Variants in KPNA6 observed in about 807,000 individuals in gnomAD.
The protein encoded by KPNA6 is karyopherin subunit alpha 6.
KPNA6 carries 9 observed loss-of-function variants against 72.0 expected under a neutral mutation model. That is an observed-to-expected ratio of 0.13 (90% CI 0.08 to 0.22). The LOEUF (loss-of-function observed/expected upper bound fraction) is 0.22, where lower values mean the gene tolerates loss of function less well. KPNA6 is among the 10% of genes least tolerant of loss of function. The probability of loss-of-function intolerance (pLI) is 1.00; values close to 1 mark genes in which losing one functional copy is unlikely to be tolerated. For missense variants in KPNA6, 374 were observed against 655.7 expected (o/e 0.57, Z 4.69); for synonymous variants, 219 against 242.1 (o/e 0.90, Z 0.89).
chr1:32,124,551 G>C (rs1641498306), intron 1 of KPNA6, among the ~76,000 whole-genome samples: 1 of 150,600 alleles, frequency 6.6e-6, no homozygotes, highest in Non-Finnish European at 1.5e-5. Context: ...CTGTTGCCCA[G>C]GCTGGAGTGC....
chr1:32,142,499 T>C lies in KPNA6; in HGVS notation c.5-12089T>C, dbSNP rs117577120. ...TATTGGGGTTTAGGACTTCATAATA[T>C]GAATTAGGAACAGACATGATTCAGC... On this transcript the variant is annotated intron_variant, in intron 1 of 13. Coordinates refer to ENST00000373625, the MANE Select transcript of KPNA6 (RefSeq NM_012316.5). 3.7e-4 allele frequency among the ~76,000 whole-genome samples: 56 copies of C among 152,240 alleles called. No homozygotes were observed. The East Asian group carries it at 0.01, about 27-fold the overall frequency.
In KPNA6 at chr1:32,163,236, C is replaced by T. The variant is rs1166901812; in HGVS notation, c.913C>T (p.His305Tyr). The T allele has an allele frequency of 2.5e-6, 4 of 1,610,296 alleles. No homozygotes were observed. Among genetic ancestry groups the T allele is most frequent in the Admixed American group, 3.3e-5 (2 of 59,956 alleles). Residue 305 changes from histidine (H) to tyrosine (Y), a missense_variant and splice_region_variant, in exon 10 of 14, where the codon CAC (histidine) becomes TAC (tyrosine). Transcript: ENST00000373625. ...TGATCAGATCTCCCTCCTCTGTAGG[C>T]ACAATGATTACAAAGTGGCTTCTCC... ...VCRRLVELLM[H>Y]NDYKVASPAL...
chr1:32,136,181 C>CT lies in KPNA6; in HGVS notation c.5-18395dup, dbSNP rs759447035. Reference sequence around the variant, plus strand: ...TAAAATCCACATTTCTAGCTTCTCTCTTTTTTTTTTTTGAGATGGAGTTTC... The same window carrying CT: ...TAAAATCCACATTTCTAGCTTCTCTCTTTTTTTTTTTTTGAGATGGAGTTTC... On this transcript the variant is annotated intron_variant, in intron 1 of 13. Transcript: ENST00000373625. 8.7e-4 allele frequency among the ~76,000 whole-genome samples: 121 copies of CT among 139,256 alleles called. 2 individuals are homozygous for CT. Among genetic ancestry groups the CT allele is most frequent in the East Asian group, 2.6e-3 (12 of 4,570 alleles). 91.4% of individuals were successfully genotyped at this position (139,256 alleles called of 152,430 possible).
chr1:32,118,180 T>C (rs932457724), intron 1 of KPNA6, among the ~76,000 whole-genome samples: 2 of 152,098 alleles, frequency 1.3e-5, no homozygotes, highest in Non-Finnish European at 2.9e-5. Context: ...CGCCTCAGCC[T>C]CCCAAAGTGC....
chr1:32,156,239 C>G (rs1470169890), intron 2 of KPNA6, among the ~76,000 whole-genome samples: 1 of 152,040 alleles, frequency 6.6e-6, no homozygotes, highest in Non-Finnish European at 1.5e-5. Flanking sequence ...ATAGTCTCCT[C>G]TTCTCTTTGT....
intron 1 of KPNA6, among the ~76,000 whole-genome samples, chr1:32,134,923 C>T (rs55794623): frequency 0.087 from 12,318 of 140,858 alleles, 754 homozygotes; most frequent in South Asian, 0.26. Flanking sequence ...TTTTTTCCTT[C>T]GAGATGGAGT....
chr1:32,134,106 G>A (rs1197240765), intron 1 of KPNA6, among the ~76,000 whole-genome samples: 1 of 144,600 alleles, frequency 6.9e-6, no homozygotes, highest in African/African-American at 2.6e-5. Flanking sequence ...TTTTTTTTTT[G>A]TATTTAAAAA....
intron 1 of KPNA6, among the ~76,000 whole-genome samples, chr1:32,130,015 G>A (rs12070847): frequency 0.038 from 5,856 of 152,194 alleles, 160 homozygotes; most frequent in Middle Eastern, 0.082. Context: ...TCTTCTGCAA[G>A]TTATGCCTCA....
At chr1:32,163,975 T>A (rs146452666) in intron 10 of KPNA6, among the ~76,000 whole-genome samples, 1 of 152,224 alleles carries the variant, frequency 6.6e-6, no homozygotes, top group Non-Finnish European at 1.5e-5. Flanking sequence ...ACATTCACAT[T>A]GTTTTTCCGT....
intron 1 of KPNA6, among the ~76,000 whole-genome samples, chr1:32,117,753 A>T (rs1331735420): frequency 6.6e-6 from 1 of 152,180 alleles, no homozygotes; most frequent in Non-Finnish European, 1.5e-5. Flanking sequence ...AAACCAAAGG[A>T]TGGAGAGGTT....
rs1570057916 is a variant in KPNA6, at chr1:32,157,506, G to A, written c.331+61G>A. ...TGATTTAGCCTCTTTTCTCTTCACTGATGTCATCAACTTACACGTGCCCTC... is the reference window on the plus strand; with the variant it reads ...TGATTTAGCCTCTTTTCTCTTCACTAATGTCATCAACTTACACGTGCCCTC... On this transcript the variant is annotated intron_variant, in intron 4 of 13. Coordinates refer to ENST00000373625, the MANE Select transcript of KPNA6 (RefSeq NM_012316.5). 2.1e-5 allele frequency: 26 copies of A among 1,234,316 alleles called. No homozygotes were observed. The East Asian group carries it at 6.1e-4, about 29-fold the overall frequency. The allele number at this position is 1,234,316 out of a possible 1,614,324, so 76.5% of individuals were successfully genotyped here. A position where few individuals can be genotyped will look rare whatever the true frequency, so the allele number is the denominator to read the frequency against.
chr1:32,157,491 T>C, intron 4 of KPNA6, 46 bp downstream of exon 4: 1 of 1,358,840 alleles, frequency 7.4e-7, no homozygotes, highest in South Asian at 1.2e-5. Flanking sequence ...TGATTTAGCC[T>C]CTTTTCTCTT....
chr1:32,146,191 T>C (rs58613450), intron 1 of KPNA6, among the ~76,000 whole-genome samples: 1 of 152,196 alleles, frequency 6.6e-6, no homozygotes, highest in Non-Finnish European at 1.5e-5. Flanking sequence ...TTGAACGTGG[T>C]TCATTAAAAG....
chr1:32,174,313 T>C lies in KPNA6; in HGVS notation c.*3419T>C, dbSNP rs781399020. The stretch of plus-strand genomic sequence containing the variant: ...TTTTGGAGCTGAACTGCACAGATTA[T>C]AGCTGCTATTGTACTTAAATAAGGG... On this transcript the variant is annotated 3_prime_UTR_variant, in exon 14 of 14. Coordinates refer to ENST00000373625, the MANE Select transcript of KPNA6 (RefSeq NM_012316.5). 1 of 152,264 alleles carries C rather than the reference T, an allele frequency of 6.6e-6. No individual in the cohort carries two copies. The highest frequency in any genetic ancestry group is 1.5e-5 in the Non-Finnish European group (1 of 68,076). 9.4% of individuals were successfully genotyped at this position (152,264 alleles called of 1,614,324 possible). A position where few individuals can be genotyped will look rare whatever the true frequency, so the allele number is the denominator to read the frequency against.
In KPNA6 at chr1:32,156,878, T is replaced by C; in HGVS notation, c.164T>C (p.Leu55Pro). The C allele has an allele frequency of 6.2e-7, 1 of 1,614,114 alleles. No homozygotes were observed. ...CTTTTTAAACGGAGAAATGTGGAGC[T>C]GATTAATGAAGAAGCTGCCATGTTC... ...QQLFKRRNVE[L>P]INEEAAMFDS... The change falls in exon 3 of 14, where the codon CTG (leucine) becomes CCG (proline). Residue 55 changes from leucine to proline, a missense_variant. Coordinates refer to ENST00000373625, the MANE Select transcript of KPNA6 (RefSeq NM_012316.5).
At position 32,162,034 on chromosome 1, in the gene KPNA6, A is replaced by G. The variant is rs762090930; in HGVS notation, c.735A>G (p.Pro245=). 3.1e-6 allele frequency: 5 copies of G among 1,613,562 alleles called. No homozygotes were observed. In the East Asian group the frequency reaches 1.1e-4, roughly 36 times the overall value. Residue 245 remains proline, a synonymous_variant, in exon 8 of 14, where the codon CCA becomes CCG. Transcript: ENST00000373625. ...TCTGCCGAGGGAAAAACCCACCCCC[A>G]GAGTTTGCAAAGGTGAGAGAGCTAC... The part of the protein sequence containing the change: ...SNLCRGKNPP[P]EFAKVSPCLP...
intron 1 of KPNA6, among the ~76,000 whole-genome samples, chr1:32,116,312 G>GT (rs1553125353): frequency 1.3e-5 from 2 of 150,296 alleles, no homozygotes; most frequent in African/African-American, 4.9e-5. Context: ...CCGGCCGGTT[G>GT]TTTTTTTTAA....
chr1:32,141,811 A>G (rs1257832145), intron 1 of KPNA6, among the ~76,000 whole-genome samples: 1 of 152,146 alleles, frequency 6.6e-6, no homozygotes, highest in East Asian at 1.9e-4. Context: ...ATTAACTTGA[A>G]TTTGATATCA....
rs1420908359 is a variant in KPNA6 at position 32,174,699 on chromosome 1, C to T, written c.*3805C>T. ...GGAGCCAATTTCCCCCAGGTCCCTG[C>T]AGGTAATCCAGGGACCCCATAGGGA... is the stretch of plus-strand genomic sequence containing the variant. On this transcript the variant is annotated 3_prime_UTR_variant, in exon 14 of 14. Transcript: ENST00000373625. 6.6e-6 allele frequency: 1 copy of T among 152,176 alleles called. No homozygotes were observed. The highest frequency in any genetic ancestry group is 1.5e-5 in the Non-Finnish European group (1 of 68,026). 9.4% of individuals were successfully genotyped at this position (152,176 alleles called of 1,614,324 possible).
Sources: gnomAD v4.1 joint callset for allele counts (sites outside exome capture counted in the v4.1 genomes callset) on GRCh38, gnomAD v4.1.1 for gene constraint, MANE v1.5 for transcripts, NCBI Gene and HGNC (gene_info 2026-07-23, HGNC 2026-07-21) for gene names.